Variants in AQP9 observed in about 807,000 individuals in gnomAD.
The protein encoded by AQP9 is aquaporin-9.
In AQP9, 19 loss-of-function variants were observed where a neutral mutation model predicts 23.8. That is an observed-to-expected ratio of 0.80 (90% confidence interval 0.56 to 1.17). AQP9 has a LOEUF of 1.17. AQP9 is among the 50% of genes most tolerant of loss of function. The pLI is 0.00. For synonymous variants in AQP9, 153 were observed against 131.5 expected, an observed-to-expected ratio of 1.16 and a Z score of -1.12; for missense variants, 413 against 362.0, an observed-to-expected ratio of 1.14 and a Z score of -1.14.
At chr15:58,183,922 G>C (rs779678563) in intron 5 of AQP9, 39 bp from the exon 6 acceptor site, 11 of 1,606,028 alleles carry the variant, frequency 6.8e-6, no homozygotes, top group Non-Finnish European at 7.7e-6. Flanking sequence ...CCAGGAGGAA[G>C]GCCAAGAAAT....
At chr15:58,142,493 G>T (rs1223507612) in intron 1 of AQP9, among the ~76,000 whole-genome samples, 3 of 152,216 alleles carry the variant, frequency 2.0e-5, no homozygotes, top group Non-Finnish European at 4.4e-5. Flanking sequence ...CAGGAGATCT[G>T]CTAGCAGAGT....
At chr15:58,177,344 G>T (rs1296722281) in intron 4 of AQP9, among the ~76,000 whole-genome samples, 1 of 152,128 alleles carries the variant, frequency 6.6e-6, no homozygotes, top group African/African-American at 2.4e-5. Flanking sequence ...AATCTAACAA[G>T]TAAGTAGATA....
In AQP9 at chr15:58,173,221, G is replaced by A; in HGVS notation, c.376+16G>A. ...ATTTACTATGGTGAGTAAAGTCCCT[G>A]AGTCCTAAGGTTAGGAAGAGCTGGG... On this transcript the variant is annotated intron_variant, in intron 3 of 5. Transcript: ENST00000219919. 15 of 1,613,896 alleles carry A rather than the reference G, an allele frequency of 9.3e-6. No individual in the cohort carries two copies. Among genetic ancestry groups the A allele is most frequent in the Non-Finnish European group, 1.3e-5 (15 of 1,179,904 alleles).
chr15:58,138,888 T>A, intron 1 of AQP9: 1 of 490,348 alleles, frequency 2.0e-6, no homozygotes, highest in South Asian at 2.4e-5. Context: ...CCCACAAAAG[T>A]TGATGGGAAT....
At position 58,138,663 on chromosome 15, in the gene AQP9, C is replaced by T. The variant is rs755358483; in HGVS notation, c.98C>T (p.Thr33Met). The T allele has an allele frequency of 4.4e-5, 71 of 1,613,346 alleles. No individual in the cohort carries two copies. The highest frequency in any genetic ancestry group is 5.5e-5 in the Non-Finnish European group (65 of 1,179,554). The stretch of plus-strand genomic sequence containing the variant: ...GAAACCCTCTCTGAGTTCTTGGGCA[C>T]GTTCATCTTGATTGTAAGTATTTCC... The part of the protein sequence containing the change: ...AKETLSEFLG[T>M]FILIVLGCGC... Residue 33 changes from threonine (T) to methionine (M), a missense_variant, in exon 1 of 6, where the codon ACG becomes ATG. Physicochemically the swap from Thr to Met is moderately conservative, Grantham distance 81 (BLOSUM62 -1). Coordinates refer to ENST00000219919, the MANE Select transcript of AQP9 (RefSeq NM_020980.5).
rs1897894292 is a variant in AQP9 at position 58,138,430 on chromosome 15, C to A, written c.-136C>A. On this transcript the variant is annotated 5_prime_UTR_variant, in exon 1 of 6. Coordinates refer to ENST00000219919, the MANE Select transcript of AQP9 (RefSeq NM_020980.5). The stretch of plus-strand genomic sequence containing the variant: ...GCCTCTAATTGGAACGGCATTTGTA[C>A]AGTCAGAGACTCTTACCAGACATCT... The A allele has an allele frequency of 4.8e-6, 3 of 629,200 alleles. No homozygotes were observed. In the Admixed American group the frequency reaches 9.5e-5, roughly 20 times the overall value. The allele number at this position is 629,200 out of a possible 1,614,324, so 39.0% of individuals were successfully genotyped here. A position where few individuals can be genotyped will look rare whatever the true frequency, so the allele number is the denominator to read the frequency against.
In AQP9 at chr15:58,145,467, A is replaced by T. The variant is rs144711947; in HGVS notation, c.111+6791A>T. ...GTGCCAAAGCACTCCAGCCTGGGCA[A>T]CAAAATGAGACTTTGTGTCCAAAAA... is the stretch of plus-strand genomic sequence containing the variant. On this transcript the variant is annotated intron_variant, in intron 1 of 5. Coordinates refer to ENST00000219919, the MANE Select transcript of AQP9 (RefSeq NM_020980.5). 2.8e-3 allele frequency among the ~76,000 whole-genome samples: 428 copies of T among 151,952 alleles called. 4 individuals carry two copies. Among genetic ancestry groups the T allele is most frequent in the African/African-American group, 9.7e-3 (403 of 41,430 alleles).
chr15:58,177,118 A>T (rs902733676), intron 4 of AQP9, among the ~76,000 whole-genome samples: 3 of 152,220 alleles, frequency 2.0e-5, no homozygotes, highest in African/African-American at 7.2e-5. Flanking sequence ...TCAGTCAGTC[A>T]ACACCCAACA....
rs146145319 is a variant in AQP9, at chr15:58,176,030, G to A, written c.495+994G>A. ...AGCTGTTCTGCCTCCAACTTCCTGC[G>A]TGGCTTCAGCAAAGTACTGAACTTT... is the stretch of plus-strand genomic sequence containing the variant. On this transcript the variant is annotated intron_variant, in intron 4 of 5. Coordinates refer to ENST00000219919, the MANE Select transcript of AQP9 (RefSeq NM_020980.5). Among the ~76,000 whole-genome samples, 182 of 152,262 alleles carry A rather than the reference G, an allele frequency of 1.2e-3. 1 individual carries two copies. Among genetic ancestry groups the A allele is most frequent in the East Asian group, 6.4e-3 (33 of 5,190 alleles).
chr15:58,147,948 A>G (rs1415682590), intron 1 of AQP9, among the ~76,000 whole-genome samples: 3 of 152,152 alleles, frequency 2.0e-5, no homozygotes, highest in Non-Finnish European at 4.4e-5. Flanking sequence ...ACACTTTTTG[A>G]CAACATACCA....
intron 2 of AQP9, among the ~76,000 whole-genome samples, chr15:58,170,538 G>T (rs1898597201): frequency 6.6e-6 from 1 of 151,606 alleles, no homozygotes; most frequent in Non-Finnish European, 1.5e-5. Context: ...CCAAGTAGCT[G>T]GGACTACAGG....
chr15:58,147,695 A>G (rs1194414401), intron 1 of AQP9, among the ~76,000 whole-genome samples: 1 of 152,122 alleles, frequency 6.6e-6, no homozygotes, highest in African/African-American at 2.4e-5. Flanking sequence ...CTTTCTTATG[A>G]GAGTACCTCC....
chr15:58,147,114 A>G (rs1251798298), intron 1 of AQP9, among the ~76,000 whole-genome samples: 1 of 152,186 alleles, frequency 6.6e-6, no homozygotes, highest in African/African-American at 2.4e-5. Context: ...CCTGGAGCCA[A>G]ACTTGATTCT....
chr15:58,160,428 C>G (rs1898351554), intron 1 of AQP9, among the ~76,000 whole-genome samples: 1 of 152,020 alleles, frequency 6.6e-6, no homozygotes, highest in African/African-American at 2.4e-5. Context: ...ATGGATAGGC[C>G]AAACTAAATT....
At chr15:58,139,046 C>G (rs1465857674) in intron 1 of AQP9, among the ~76,000 whole-genome samples, 1 of 152,188 alleles carries the variant, frequency 6.6e-6, no homozygotes, top group African/African-American at 2.4e-5. Flanking sequence ...ATTGGGGTGA[C>G]TCAGCCACCT....
Position 58,185,832 on chromosome 15 carries a change from G to A in AQP9, c.*1697G>A, listed in dbSNP as rs1308268360. 1 of 152,098 alleles carries A rather than the reference G, an allele frequency of 6.6e-6. No individual in the cohort carries two copies. The highest frequency in any genetic ancestry group is 2.4e-5 in the African/African-American group (1 of 41,392). The allele number at this position is 152,098 out of a possible 1,614,324, so 9.4% of individuals were successfully genotyped here. A position where few individuals can be genotyped will look rare whatever the true frequency, so the allele number is the denominator to read the frequency against. ...TGATGACTTATGTTCTACAATCTAT[G>A]GACATACGGGATTTTTTTTTCTTGC... On this transcript the variant is annotated 3_prime_UTR_variant, in exon 6 of 6. Coordinates refer to ENST00000219919, the MANE Select transcript of AQP9 (RefSeq NM_020980.5).
intron 5 of AQP9, among the ~76,000 whole-genome samples, chr15:58,182,624 G>C: frequency 6.6e-6 from 1 of 152,166 alleles, no homozygotes; most frequent in East Asian, 1.9e-4. Flanking sequence ...GGGAGAGGCA[G>C]CCACCCTCCA....
rs187227336 is a variant in AQP9 at position 58,163,598 on chromosome 15, G to A, written c.112-3075G>A. Among the ~76,000 whole-genome samples the A allele has an allele frequency of 6.5e-4, 99 of 152,246 alleles. 1 individual carries two copies. Among genetic ancestry groups the A allele is most frequent in the African/African-American group, 2.0e-3 (84 of 41,534 alleles). On this transcript the variant is annotated intron_variant, in intron 1 of 5. Coordinates refer to ENST00000219919, the MANE Select transcript of AQP9 (RefSeq NM_020980.5). ...ATATTAGGTTTGTTGAGAAGAATCTGAATGGACGACAGACCTAAAAATGCT... is the reference window on the plus strand; with the variant it reads ...ATATTAGGTTTGTTGAGAAGAATCTAAATGGACGACAGACCTAAAAATGCT...
intron 1 of AQP9, among the ~76,000 whole-genome samples, chr15:58,157,555 T>C (rs1318198819): frequency 6.6e-6 from 1 of 152,174 alleles, no homozygotes; most frequent in African/African-American, 2.4e-5. Context: ...GTGTGGCTCA[T>C]CCGTGTGGAA....
Sources: gnomAD v4.1 joint callset for allele counts (sites outside exome capture counted in the v4.1 genomes callset) on GRCh38, gnomAD v4.1.1 for gene constraint, MANE v1.5 for transcripts, NCBI Gene and HGNC (gene_info 2026-07-23, HGNC 2026-07-21) for gene names.